The following PRKD3 variants were observed in gnomAD, a reference collection of about 807,000 sequenced individuals.
The protein encoded by PRKD3 is protein kinase D3, also known as serine/threonine-protein kinase D3.
Under a neutral mutation model 99.2 loss-of-function variants are expected in PRKD3, and 47 were observed. The ratio of observed to expected loss-of-function variants is 0.47; its 90% CI spans 0.38 to 0.60. The LOEUF (loss-of-function observed/expected upper bound fraction) is 0.60, where lower values mean the gene tolerates loss of function less well. Among genes scored for constraint, PRKD3 ranks in the 20% least tolerant of loss-of-function variants. The pLI, the probability that PRKD3 is intolerant of heterozygous loss-of-function variation, is 0.00. For synonymous variants in PRKD3, 392 were observed against 355.4 expected, an observed-to-expected ratio of 1.10 and a Z score of -1.16; for missense variants, 1,019 against 1,088.4, an observed-to-expected ratio of 0.94 and a Z score of 0.90.
chr2:37,316,535 T>G lies in PRKD3; in HGVS notation c.-11A>C. On this transcript the variant is annotated 5_prime_UTR_variant, in exon 2 of 19. Transcript: ENST00000234179. ...ATTATTTGCAGACATCTGCCTTTCT[T>G]TAATCTTTTAAAATAGTTGTCGATT... 1 of 1,605,856 alleles carries G rather than the reference T, an allele frequency of 6.2e-7. No homozygotes were observed. The highest frequency in any genetic ancestry group is 8.5e-7 in the Non-Finnish European group (1 of 1,176,282).
Position 37,316,508 on chromosome 2 carries a change from G to T in PRKD3, c.17C>A (p.Ser6Tyr). Reference sequence around the variant, plus strand: ...TACAGACTTCTGGGCTGATGGAGGGGAATTATTTGCAGACATCTGCCTTTC... The same window carrying T: ...TACAGACTTCTGGGCTGATGGAGGGTAATTATTTGCAGACATCTGCCTTTC... MSANN[S>Y]PPSAQKSVLP... The change falls in exon 2 of 19, where the codon TCC (serine) becomes TAC (tyrosine). Residue 6 changes from serine (S) to tyrosine (Y), a missense_variant. Physicochemically the swap from Ser to Tyr is moderately radical, Grantham distance 144 (BLOSUM62 -2). Transcript: ENST00000234179. 1.2e-6 allele frequency: 2 copies of T among 1,613,176 alleles called. No homozygotes were observed. The highest frequency in any genetic ancestry group is 1.7e-6 in the Non-Finnish European group (2 of 1,179,376).
Position 37,293,050 on chromosome 2 carries a change from T to C in PRKD3, c.427+83A>G, listed in dbSNP as rs1050350043. On this transcript the variant is annotated intron_variant, in intron 3 of 18. Transcript: ENST00000234179. ...AAGTAACAATAATACAAAGACTAAA[T>C]ATAATCGAATTGCAGCATTTAGTAC... 4 of 1,319,730 alleles carry C rather than the reference T, an allele frequency of 3.0e-6. No individual in the cohort carries two copies. In the Admixed American group the frequency reaches 8.6e-5, roughly 28 times the overall value. The allele number at this position is 1,319,730 out of a possible 1,614,324, so 81.8% of individuals were successfully genotyped here.
chr2:37,319,992 A>C (rs1428766210), intron 1 of PRKD3, among the ~76,000 whole-genome samples: 1 of 152,238 alleles, frequency 6.6e-6, no homozygotes, highest in Non-Finnish European at 1.5e-5. Context: ...CTGTAACAAC[A>C]CCTGGCTAAC....
chr2:37,275,028 T>C (rs1338268797), intron 10 of PRKD3, among the ~76,000 whole-genome samples: 1 of 152,170 alleles, frequency 6.6e-6, no homozygotes, highest in Non-Finnish European at 1.5e-5. Flanking sequence ...ACTACTTATC[T>C]AGTGACTGTA....
At chr2:37,260,195 GT>G (rs779980648) in intron 15 of PRKD3, 27 bp downstream of exon 15, 2 of 1,556,574 alleles carry the variant, frequency 1.3e-6, no homozygotes, top group South Asian at 1.2e-5. Context: ...TTAATCGCTA[GT>G]TTAAAAAAAA....
chr2:37,282,155 C>G (rs1016586463), intron 7 of PRKD3, among the ~76,000 whole-genome samples: 31 of 152,126 alleles, frequency 2.0e-4, no homozygotes, highest in African/African-American at 7.2e-4. Context: ...AAGGGTTGTT[C>G]TTAGGTTGAA....
chr2:37,299,511 T>TACACACACACACACAC (rs70949749), intron 2 of PRKD3, among the ~76,000 whole-genome samples: 1 of 132,502 alleles, frequency 7.5e-6, no homozygotes, highest in Non-Finnish European at 1.6e-5. Context: ...TCTACTAAAA[T>TACACACACACACACAC]ACACACACAC....
chr2:37,324,329 G>C (rs1572715888), intron 1 of PRKD3: 1 of 602,366 alleles, frequency 1.7e-6, no homozygotes, highest in Non-Finnish European at 2.1e-6. Context: ...CGCCTCCGAT[G>C]GGCCGGGCGC....
chr2:37,277,878 G>A lies in PRKD3; in HGVS notation c.1284C>T (p.Ser428=). The A allele has an allele frequency of 1.9e-6, 3 of 1,613,262 alleles. No individual in the cohort carries two copies. The highest frequency in any genetic ancestry group is 2.5e-6 in the Non-Finnish European group (3 of 1,179,580). Residue 428 remains serine, a synonymous_variant, in exon 9 of 19, where the codon AGC becomes AGT. Coordinates refer to ENST00000234179, the MANE Select transcript of PRKD3 (RefSeq NM_005813.6). Reference sequence around the variant, plus strand: ...TTTGATTACTGACCAGGTTATCCCTGCTGGTGTAATGGACCATCCACCCTT... The same window carrying A: ...TTTGATTACTGACCAGGTTATCCCTACTGGTGTAATGGACCATCCACCCTT... ...VKEGWMVHYT[S]RDNLRKRHYW...
intron 2 of PRKD3, among the ~76,000 whole-genome samples, chr2:37,303,359 G>GC (rs1420132093): frequency 1.3e-5 from 2 of 152,100 alleles, no homozygotes; most frequent in Non-Finnish European, 2.9e-5. Flanking sequence ...TGTTGCATAG[G>GC]CCCTTTCCCC....
In PRKD3 at chr2:37,300,520, A is replaced by T. The variant is rs188017558; in HGVS notation, c.289-7249T>A. 3.0e-3 allele frequency among the ~76,000 whole-genome samples: 464 copies of T among 152,346 alleles called. 5 individuals carry two copies. Among genetic ancestry groups the T allele is most frequent in the Non-Finnish European group, 2.3e-3 (159 of 68,034 alleles). The stretch of plus-strand genomic sequence containing the variant: ...TTGTATATTTCAAAATAACTAGAAG[A>T]GTAGAATTGGACTGTTCCTAACACA... On this transcript the variant is annotated intron_variant, in intron 2 of 18. Coordinates refer to ENST00000234179, the MANE Select transcript of PRKD3 (RefSeq NM_005813.6).
chr2:37,270,241 A>G (rs1227307388), intron 12 of PRKD3, among the ~76,000 whole-genome samples: 1 of 151,972 alleles, frequency 6.6e-6, no homozygotes. Context: ...AAAAAAAAAA[A>G]TCTTGTATTT....
chr2:37,323,998 G>C (rs1176584747), intron 1 of PRKD3, among the ~76,000 whole-genome samples: 9 of 152,140 alleles, frequency 5.9e-5, no homozygotes, highest in Non-Finnish European at 8.8e-5. Context: ...GCGTTCACCT[G>C]AAATAAAATA....
At position 37,281,687 on chromosome 2, in the gene PRKD3, T is replaced by A. The variant is rs531892264; in HGVS notation, c.988+855A>T. Among the ~76,000 whole-genome samples the A allele has an allele frequency of 3.3e-5, 5 of 152,316 alleles. No homozygotes were observed. The South Asian group carries it at 1.0e-3, about 32-fold the overall frequency. ...ATATGCTACCTAGCCTATGGTATTT[T>A]GTTATAGCAGCACAAACAGACTAAG... On this transcript the variant is annotated intron_variant, in intron 7 of 18. Transcript: ENST00000234179.
intron 16 of PRKD3, among the ~76,000 whole-genome samples, chr2:37,258,404 A>G (rs535229369): frequency 6.6e-6 from 1 of 152,212 alleles, no homozygotes; most frequent in Non-Finnish European, 1.5e-5. Flanking sequence ...CATCTTGATA[A>G]GGTAAAGATG....
In PRKD3 at chr2:37,289,412, C is replaced by T. The variant is rs528883326; in HGVS notation, c.661G>A (p.Gly221Ser). 3.7e-6 allele frequency: 6 copies of T among 1,613,954 alleles called. No homozygotes were observed. Among genetic ancestry groups the T allele is most frequent in the Admixed American group, 1.7e-5 (1 of 60,000 alleles). ...RLSNVSLPGP[G>S]LSVPRPLQPE... Reference sequence around the variant, plus strand: ...TGTAGGGGTCTTGGAACTGAGAGGCCGGGTCCTGGTAAAGATACATTTGAC... The same window carrying T: ...TGTAGGGGTCTTGGAACTGAGAGGCTGGGTCCTGGTAAAGATACATTTGAC... The change falls in exon 5 of 19, where the codon GGC (glycine) becomes AGC (serine). Residue 221 changes from glycine to serine, a missense_variant. Physicochemically the swap from Gly to Ser is moderately conservative, Grantham distance 56. Coordinates refer to ENST00000234179, the MANE Select transcript of PRKD3 (RefSeq NM_005813.6).
chr2:37,283,172 C>G (rs896170867), intron 6 of PRKD3, among the ~76,000 whole-genome samples: 1 of 152,136 alleles, frequency 6.6e-6, no homozygotes, highest in African/African-American at 2.4e-5. Flanking sequence ...ACAATCTGTC[C>G]AAAATTACTG....
rs1431642749 is a variant in PRKD3 at position 37,274,441 on chromosome 2, G to A, written c.1631C>T (p.Pro544Leu). 3.1e-6 allele frequency: 5 copies of A among 1,613,980 alleles called. No individual in the cohort carries two copies. The highest frequency in any genetic ancestry group is 3.4e-6 in the Non-Finnish European group (4 of 1,179,986). The change falls in exon 11 of 19, where the codon CCA (proline) becomes CTA (leucine). Residue 544 changes from proline (P) to leucine (L), a missense_variant. This residue lies in a region of PRKD3 where 710 missense variants were observed against 692.7 expected (regional missense o/e 1.02). Coordinates refer to ENST00000234179, the MANE Select transcript of PRKD3 (RefSeq NM_005813.6). ...VTPQASVCTS[P>L]GQGKDHKDLS... is the part of the protein sequence containing the mutation. ...CTTACTGTGATCTTTCCCTTGCCCTGGAGAAGTGCAAACACTTGCTTGAGG... is the reference window on the plus strand; with the variant it reads ...CTTACTGTGATCTTTCCCTTGCCCTAGAGAAGTGCAAACACTTGCTTGAGG...
intron 2 of PRKD3, among the ~76,000 whole-genome samples, chr2:37,294,380 G>A (rs1670584849): frequency 6.6e-6 from 1 of 152,066 alleles, no homozygotes; most frequent in Non-Finnish European, 1.5e-5. Context: ...AGAGGCATGA[G>A]CCACCACAAC....
Sources: allele counts gnomAD v4.1 joint callset (sites outside exome capture counted in the v4.1 genomes callset), GRCh38; gene constraint gnomAD v4.1.1; regional missense constraint gnomAD v4.1.1; transcripts MANE v1.5; gene names NCBI Gene and HGNC (gene_info 2026-07-23, HGNC 2026-07-21).